Variants in NTM observed in about 807,000 individuals in gnomAD.
NTM encodes the protein IgLON family member 2.
NTM carries 13 observed loss-of-function variants against 42.1 expected under a neutral mutation model. The ratio of observed to expected loss-of-function variants is 0.31; its 90% CI spans 0.20 to 0.49. The LOEUF (loss-of-function observed/expected upper bound fraction) is 0.49. Among genes scored for constraint, NTM ranks in the 20% least tolerant of loss-of-function variants. The pLI is 0.99. For synonymous variants in NTM, 187 were observed against 179.2 expected (o/e 1.04, Z -0.35); for missense variants, 373 against 452.8 (o/e 0.82, Z 1.60).
chr11:132,109,821 G>A (rs2062923379), intron 2 of NTM, among the ~76,000 whole-genome samples: 2 of 152,140 alleles, frequency 1.3e-5, no homozygotes, highest in Non-Finnish European at 2.9e-5. Flanking sequence ...AAATCCCAAA[G>A]TCCATTGTAT....
chr11:131,382,877 G>A (rs1942859619), intron 1 of NTM, among the ~76,000 whole-genome samples: 1 of 152,152 alleles, frequency 6.6e-6, no homozygotes, highest in Non-Finnish European at 1.5e-5. Flanking sequence ...GGACTTTATA[G>A]TTACATAGGT....
intron 3 of NTM, among the ~76,000 whole-genome samples, chr11:132,176,891 G>A (rs766860648): frequency 6.6e-6 from 1 of 151,786 alleles, no homozygotes; most frequent in Non-Finnish European, 1.5e-5. Flanking sequence ...ACCACATCTG[G>A]CTAATTTTTG....
At chr11:131,409,122 C>A (rs148538785) in intron 1 of NTM, among the ~76,000 whole-genome samples, 49 of 152,320 alleles carry the variant, frequency 3.2e-4, no homozygotes, top group African/African-American at 1.1e-3. Context: ...GATATGCAAG[C>A]CATGACAGAA....
chr11:131,491,692 T>G (rs1042847802), intron 1 of NTM, among the ~76,000 whole-genome samples: 1 of 152,096 alleles, frequency 6.6e-6, no homozygotes, highest in Non-Finnish European at 1.5e-5. Context: ...CTCATCTGTG[T>G]TGCAATTCTG....
In NTM at chr11:132,169,320, C is replaced by CTTTTTTTTTTTTTTTTTTTTTTTTTT. The variant is rs567723794; in HGVS notation, c.400+22813_400+22838dup. Among the ~76,000 whole-genome samples, 10 of 32,374 alleles carry CTTTTTTTTTTTTTTTTTTTTTTTTTT rather than the reference C, an allele frequency of 3.1e-4. 3 individuals carry two copies. Among genetic ancestry groups the CTTTTTTTTTTTTTTTTTTTTTTTTTT allele is most frequent in the Non-Finnish European group, 3.3e-4 (6 of 18,374 alleles). 21.2% of individuals were successfully genotyped at this position (32,374 alleles called of 152,430 possible). On this transcript the variant is annotated intron_variant, in intron 3 of 8. Coordinates refer to ENST00000683400, the MANE Select transcript of NTM (RefSeq NM_001352005.2). ...GTGATATCTAGGTTTAATTTTTTTA[C>CTTTTTTTTTTTTTTTTTTTTTTTTTT]TTTTTTTTTTTTTTTTTTTTTTTTT...
intron 2 of NTM, among the ~76,000 whole-genome samples, chr11:132,073,837 C>A (rs1482624564): frequency 6.6e-6 from 1 of 152,104 alleles, no homozygotes; most frequent in Non-Finnish European, 1.5e-5. Flanking sequence ...TAGTTCTATC[C>A]CATTTCTGGC....
At chr11:131,948,940 T>C (rs1329534050) in intron 2 of NTM, among the ~76,000 whole-genome samples, 2 of 152,228 alleles carry the variant, frequency 1.3e-5, no homozygotes, top group African/African-American at 4.8e-5. Flanking sequence ...GTAGAGTGTA[T>C]CTTGCATAAT....
At chr11:132,071,219 A>G (rs1228393877) in intron 2 of NTM, among the ~76,000 whole-genome samples, 18 of 135,042 alleles carry the variant, frequency 1.3e-4, no homozygotes, top group East Asian at 4.6e-4. Context: ...CACACTGACC[A>G]TCACAGGTTA....
chr11:131,941,054 G>A (rs1413908746), intron 2 of NTM, among the ~76,000 whole-genome samples: 1 of 152,218 alleles, frequency 6.6e-6, no homozygotes, highest in African/African-American at 2.4e-5. Flanking sequence ...AGGGGTTAAA[G>A]GGGAGAGGGA....
chr11:132,325,998 C>G (rs2136355466), intron 7 of NTM, among the ~76,000 whole-genome samples: 1 of 150,424 alleles, frequency 6.6e-6, no homozygotes, highest in African/African-American at 2.5e-5. Context: ...AGGGGAACAT[C>G]ACACACTGGG....
At chr11:131,415,377 C>T (rs1436531656) in intron 1 of NTM, among the ~76,000 whole-genome samples, 1 of 152,168 alleles carries the variant, frequency 6.6e-6, no homozygotes, top group Non-Finnish European at 1.5e-5. Flanking sequence ...TGAGCACACA[C>T]TGAATGCTAT....
At chr11:131,589,475 C>T (rs1454822654) in intron 1 of NTM, among the ~76,000 whole-genome samples, 1 of 152,146 alleles carries the variant, frequency 6.6e-6, no homozygotes, top group Non-Finnish European at 1.5e-5. Flanking sequence ...AACTGCAGTC[C>T]AGGGCTTCCC....
intron 2 of NTM, among the ~76,000 whole-genome samples, chr11:132,133,904 A>G (rs944189105): frequency 1.2e-4 from 19 of 152,208 alleles, no homozygotes; most frequent in Admixed American, 7.9e-4. Flanking sequence ...ATTTGAGGGC[A>G]GCTACAGCTG....
At chr11:131,754,922 G>A (rs1225593550) in intron 1 of NTM, among the ~76,000 whole-genome samples, 1 of 152,150 alleles carries the variant, frequency 6.6e-6, no homozygotes, top group African/African-American at 2.4e-5. Flanking sequence ...AGAGGAAAAG[G>A]CCAGATCCAG....
intron 2 of NTM, among the ~76,000 whole-genome samples, chr11:132,130,563 A>G (rs2066633072): frequency 6.6e-6 from 1 of 152,204 alleles, no homozygotes; most frequent in Non-Finnish European, 1.5e-5. Flanking sequence ...AAGAATTTGC[A>G]TAGGAAGTGA....
At position 131,856,281 on chromosome 11, in the gene NTM, A is replaced by G. The variant is rs575890834; in HGVS notation, c.83-55283A>G. On this transcript the variant is annotated intron_variant, in intron 1 of 8. Coordinates refer to ENST00000683400, the MANE Select transcript of NTM (RefSeq NM_001352005.2). ...AATGTCCTTAAAAACATCATATATAATGACTTTTTCTTAGACCCCAGGAAA... is the reference window on the plus strand; with the variant it reads ...AATGTCCTTAAAAACATCATATATAGTGACTTTTTCTTAGACCCCAGGAAA... Among the ~76,000 whole-genome samples, 15 of 152,258 alleles carry G rather than the reference A, an allele frequency of 9.9e-5. No homozygotes were observed. In the South Asian group the frequency reaches 1.0e-3, roughly 11 times the overall value.
chr11:132,036,814 A>G (rs1471847410), intron 2 of NTM, among the ~76,000 whole-genome samples: 4 of 152,180 alleles, frequency 2.6e-5, no homozygotes, highest in East Asian at 3.9e-4. Context: ...ACCATGACAC[A>G]TTCTGAAGAT....
chr11:132,195,486 C>T (rs1413023578), intron 3 of NTM, among the ~76,000 whole-genome samples: 1 of 149,976 alleles, frequency 6.7e-6, no homozygotes, highest in South Asian at 2.1e-4. Flanking sequence ...AAAAAAAGAC[C>T]CCATATAGCC....
intron 1 of NTM, among the ~76,000 whole-genome samples, chr11:131,558,338 T>C (rs918317469): frequency 5.3e-5 from 8 of 152,146 alleles, no homozygotes; most frequent in African/African-American, 1.4e-4. Flanking sequence ...GACCTGGGAA[T>C]ATCCATACCC....
Sources: gnomAD v4.1 joint callset for allele counts (sites outside exome capture counted in the v4.1 genomes callset) on GRCh38, gnomAD v4.1.1 for gene constraint, MANE v1.5 for transcripts, NCBI Gene and HGNC (gene_info 2026-07-23, HGNC 2026-07-21) for gene names.